Variants in E2F5 observed in about 807,000 individuals in gnomAD.
The protein encoded by E2F5 is transcription factor E2F5.
Under a neutral mutation model 39.1 loss-of-function variants are expected in E2F5, and 23 were observed. That is an observed-to-expected ratio of 0.59 (90% CI 0.42 to 0.83). The LOEUF is 0.83. Ranked by LOEUF, E2F5 falls within the 40% of genes least tolerant of loss-of-function variation. The pLI is 0.00. For synonymous variants in E2F5, 145 were observed against 157.8 expected, an observed-to-expected ratio of 0.92 and a Z score of 0.61; for missense variants, 365 against 406.7, an observed-to-expected ratio of 0.90 and a Z score of 0.88.
chr8:85,182,894 G>A (rs181007702), intron 1 of E2F5, among the ~76,000 whole-genome samples: 1 of 152,238 alleles, frequency 6.6e-6, no homozygotes, highest in Non-Finnish European at 1.5e-5. Context: ...TATCTGACAG[G>A]TCCCTGATGC....
chr8:85,204,941 T>A (rs979803083), intron 3 of E2F5, among the ~76,000 whole-genome samples: 2 of 152,156 alleles, frequency 1.3e-5, no homozygotes, highest in African/African-American at 2.4e-5. Flanking sequence ...ATCCCAGCAC[T>A]TTGGGAAGCC....
intron 1 of E2F5, among the ~76,000 whole-genome samples, chr8:85,183,115 G>A (rs941199652): frequency 1.3e-5 from 2 of 152,178 alleles, no homozygotes; most frequent in African/African-American, 4.8e-5. Context: ...AGCCGGGTGT[G>A]ATGACTGGTG....
In E2F5 at chr8:85,214,178, C is replaced by A; in HGVS notation, c.*316C>A. On this transcript the variant is annotated 3_prime_UTR_variant, in exon 8 of 8. Transcript: ENST00000416274. ...TCTTAAGGAGGAAAGTTAAAGGACACTACAGGTCATCAAAAACAAGTTGGC... is the reference window on the plus strand; with the variant it reads ...TCTTAAGGAGGAAAGTTAAAGGACAATACAGGTCATCAAAAACAAGTTGGC... 1.9e-6 allele frequency: 1 copy of A among 536,708 alleles called. No individual in the cohort carries two copies. The allele number at this position is 536,708 out of a possible 1,614,324, so 33.2% of individuals were successfully genotyped here.
At chr8:85,184,678 C>A (rs1812291015) in intron 1 of E2F5, among the ~76,000 whole-genome samples, 1 of 152,190 alleles carries the variant, frequency 6.6e-6, no homozygotes, top group African/African-American at 2.4e-5. Context: ...TCTCAAGATA[C>A]AAAATCAATG....
chr8:85,178,564 T>G (rs920177167), intron 1 of E2F5, among the ~76,000 whole-genome samples: 1 of 152,174 alleles, frequency 6.6e-6, no homozygotes, highest in Non-Finnish European at 1.5e-5. Context: ...ACTAAAGTTT[T>G]AGAAACAAAC....
At chr8:85,179,331 T>C (rs1812150527) in intron 1 of E2F5, among the ~76,000 whole-genome samples, 2 of 152,216 alleles carry the variant, frequency 1.3e-5, no homozygotes, top group Admixed American at 1.3e-4. Context: ...CCTCAGGATA[T>C]GGTGGAACTT....
intron 1 of E2F5, among the ~76,000 whole-genome samples, chr8:85,187,415 T>C (rs1031283753): frequency 6.6e-6 from 1 of 152,296 alleles, no homozygotes; most frequent in African/African-American, 2.4e-5. Context: ...GTTGTATTAC[T>C]GTTTATCTCT....
chr8:85,182,836 A>T (rs1812248378), intron 1 of E2F5, among the ~76,000 whole-genome samples: 1 of 152,186 alleles, frequency 6.6e-6, no homozygotes, highest in African/African-American at 2.4e-5. Flanking sequence ...TAACTTAATA[A>T]ATTACCTGAA....
chr8:85,209,475 AT>A, intron 6 of E2F5, 66 bp downstream of exon 6: 5 of 1,495,726 alleles, frequency 3.3e-6, no homozygotes, highest in Non-Finnish European at 4.5e-6. Flanking sequence ...TGGCTCTCTT[AT>A]CCAAAGTGCT....
intron 1 of E2F5, among the ~76,000 whole-genome samples, chr8:85,185,463 C>A (rs1296221648): frequency 2.0e-5 from 3 of 152,180 alleles, no homozygotes; most frequent in Admixed American, 6.5e-5. Flanking sequence ...GCAAAGACTT[C>A]TTGTCTAAAA....
chr8:85,177,933 G>T (rs1023517892), intron 1 of E2F5: 2 of 278,414 alleles, frequency 7.2e-6, no homozygotes, highest in Non-Finnish European at 1.2e-5. Flanking sequence ...GCGCGCCCGC[G>T]TGGCTTCTGT....
intron 1 of E2F5, among the ~76,000 whole-genome samples, chr8:85,179,760 C>T (rs998933827): frequency 4.0e-5 from 6 of 149,242 alleles, no homozygotes; most frequent in Non-Finnish European, 8.9e-5. Flanking sequence ...CCCGGGTTCA[C>T]GCCATTCTCC....
At chr8:85,207,523 A>G (rs1410473369) in intron 5 of E2F5, 34 bp downstream of exon 5, 3 of 1,489,534 alleles carry the variant, frequency 2.0e-6, no homozygotes, top group Non-Finnish European at 2.7e-6. Context: ...TATAAGTGGG[A>G]AAAATGAATC....
At chr8:85,209,601 C>A (rs1812873174) in intron 6 of E2F5, among the ~76,000 whole-genome samples, 192 bp downstream of exon 6, 2 of 152,202 alleles carry the variant, frequency 1.3e-5, no homozygotes, top group African/African-American at 4.8e-5. Flanking sequence ...GTTTCATACA[C>A]ACCTTATTCA....
chr8:85,204,523 C>T, intron 3 of E2F5, among the ~76,000 whole-genome samples: 1 of 126,046 alleles, frequency 7.9e-6, no homozygotes, highest in South Asian at 2.5e-4. Context: ...AGGGGAACAT[C>T]ACACACCAGG....
Position 85,213,959 on chromosome 8 carries a change from T to C in E2F5, c.*97T>C. 1.4e-6 allele frequency: 1 copy of C among 706,524 alleles called. No homozygotes were observed. The allele number at this position is 706,524 out of a possible 1,614,324, so 43.8% of individuals were successfully genotyped here. The stretch of plus-strand genomic sequence containing the variant: ...ATTTAAAATAATGAATGTAACACCT[T>C]TTTTAGTTCACTGATTCTGAAGTGT... On this transcript the variant is annotated 3_prime_UTR_variant, in exon 8 of 8. Transcript: ENST00000416274.
rs1182961008 is a variant in E2F5, at chr8:85,214,461, G to A, written c.*599G>A. 1.2e-6 allele frequency: 1 copy of A among 813,276 alleles called. No homozygotes were observed. The highest frequency in any genetic ancestry group is 1.8e-5 in the African/African-American group (1 of 57,100). 50.4% of individuals were successfully genotyped at this position (813,276 alleles called of 1,614,324 possible). ...TGTTTATGTAGTTTGTTTTTAAAAT[G>A]TGCCAATGCCTGTACATTAACAAGA... On this transcript the variant is annotated 3_prime_UTR_variant, in exon 8 of 8. Coordinates refer to ENST00000416274, the MANE Select transcript of E2F5 (RefSeq NM_001951.4).
At chr8:85,211,388 G>C (rs1454613836) in intron 6 of E2F5, among the ~76,000 whole-genome samples, 2 of 151,950 alleles carry the variant, frequency 1.3e-5, no homozygotes, top group Non-Finnish European at 2.9e-5. Flanking sequence ...GAGTGACAGA[G>C]CGAGATCCTG....
In E2F5 at chr8:85,202,242, C is replaced by T. The variant is rs1247633628; in HGVS notation, c.330C>T (p.Asn110=). 2 of 1,608,740 alleles carry T rather than the reference C, an allele frequency of 1.2e-6. No homozygotes were observed. The highest frequency in any genetic ancestry group is 2.7e-5 in the African/African-American group (2 of 74,786). The change falls in exon 2 of 8, where the codon AAC becomes AAT. Residue 110 remains asparagine (N), a synonymous_variant. Coordinates refer to ENST00000416274, the MANE Select transcript of E2F5 (RefSeq NM_001951.4). ...GIDLIEKKSK[N]SIQWKGVGAG... is the part of the protein sequence containing the mutation. ...ACTTGATTGAAAAAAAGTCAAAAAA[C>T]AGTATCCAGTGGAAGTAAGTTACAA...
Sources: allele counts gnomAD v4.1 joint callset (sites outside exome capture counted in the v4.1 genomes callset), GRCh38; gene constraint gnomAD v4.1.1; transcripts MANE v1.5; gene names NCBI Gene and HGNC (gene_info 2026-07-23, HGNC 2026-07-21).